ADGRL3: variants seen among roughly 807,000 people sequenced by gnomAD.
ADGRL3 encodes calcium-independent alpha-latrotoxin receptor 3.
In ADGRL3, 62 loss-of-function variants were observed where a neutral mutation model predicts 153.5. That is an observed-to-expected ratio of 0.40 (90% CI 0.33 to 0.50). The LOEUF is 0.50. Among genes scored for constraint, ADGRL3 ranks in the 20% least tolerant of loss-of-function variants. The pLI is 0.47. For missense variants in ADGRL3, 1,641 were observed against 1,859.4 expected (o/e 0.88, Z 2.16); for synonymous variants, 710 against 672.5 (o/e 1.06, Z -0.86).
chr4:61,985,652 G>A (rs1199311936), intron 19 of ADGRL3, among the ~76,000 whole-genome samples: 1 of 152,158 alleles, frequency 6.6e-6, no homozygotes, highest in African/African-American at 2.4e-5. Context: ...ACGACAAGAA[G>A]AGGACGCCAG....
At chr4:61,771,658 AG>A (rs2097088404) in intron 8 of ADGRL3, among the ~76,000 whole-genome samples, 1 of 152,172 alleles carries the variant, frequency 6.6e-6, no homozygotes, top group South Asian at 2.1e-4. Context: ...GGGCTTAAAC[AG>A]TCCTTCTGCC....
chr4:61,310,194 G>A lies in ADGRL3; in HGVS notation c.-239-72930G>A, dbSNP rs1282505714. On this transcript the variant is annotated intron_variant, in intron 1 of 26. Transcript: ENST00000683033. ...ATATGAAAGCTCTTATAAAAATAGG[G>A]ACTTTATTTCCCCTAGCTGAAACCC... Among the ~76,000 whole-genome samples the A allele has an allele frequency of 4.0e-5, 6 of 151,644 alleles. No homozygotes were observed. In the South Asian group the frequency reaches 6.3e-4, roughly 16 times the overall value.
At chr4:61,926,203 G>A (rs1409725344) in intron 13 of ADGRL3, among the ~76,000 whole-genome samples, 2 of 152,076 alleles carry the variant, frequency 1.3e-5, no homozygotes, top group Non-Finnish European at 2.9e-5. Context: ...AATTTTATGG[G>A]ACCAGCATGG....
At chr4:61,670,207 T>C (rs1243718798) in intron 5 of ADGRL3, among the ~76,000 whole-genome samples, 3 of 151,982 alleles carry the variant, frequency 2.0e-5, no homozygotes, top group Non-Finnish European at 4.4e-5. Context: ...GGCAGGAGAA[T>C]CTCTTGAATC....
intron 5 of ADGRL3, among the ~76,000 whole-genome samples, chr4:61,643,446 A>G (rs1414125305): frequency 6.6e-6 from 1 of 151,732 alleles, no homozygotes; most frequent in African/African-American, 2.4e-5. Flanking sequence ...AGCTCTTATT[A>G]TTTTGAAATA....
rs181535296 is a variant in ADGRL3 at position 61,521,432 on chromosome 4, T to G, written c.259+3914T>G. Among the ~76,000 whole-genome samples, 117 of 152,278 alleles carry G rather than the reference T, an allele frequency of 7.7e-4. 1 individual carries two copies. The highest frequency in any genetic ancestry group is 6.8e-3 in the Middle Eastern group (2 of 294). On this transcript the variant is annotated intron_variant, in intron 4 of 26. Coordinates refer to ENST00000683033, the MANE Select transcript of ADGRL3 (RefSeq NM_001387552.1). ...CAATGGTATAACACTATGAGGAGTT[T>G]GAAATTTTCCTGATGGTAGTGAGGG...
chr4:61,653,724 A>C (rs1189231014), intron 5 of ADGRL3, among the ~76,000 whole-genome samples: 1 of 152,066 alleles, frequency 6.6e-6, no homozygotes, highest in African/African-American at 2.4e-5. Flanking sequence ...TAACCAGCAA[A>C]CTTTTTTCCA....
intron 9 of ADGRL3, among the ~76,000 whole-genome samples, chr4:61,829,723 G>A (rs1418492753): frequency 6.6e-6 from 1 of 152,054 alleles, no homozygotes; most frequent in African/African-American, 2.4e-5. Context: ...TTCTCCATTG[G>A]ACAATATAAA....
intron 8 of ADGRL3, among the ~76,000 whole-genome samples, chr4:61,773,987 T>A (rs891866022): frequency 6.6e-6 from 1 of 152,184 alleles, no homozygotes; most frequent in Admixed American, 6.5e-5. Context: ...TCTGCAGTTT[T>A]GCTATCCGCA....
chr4:61,211,424 G>A (rs915502895), intron 1 of ADGRL3, among the ~76,000 whole-genome samples: 1 of 152,134 alleles, frequency 6.6e-6, no homozygotes, highest in South Asian at 2.1e-4. Context: ...GCTTCGTGGA[G>A]GCAGTAAGAA....
At chr4:61,286,312 T>A (rs533412065) in intron 1 of ADGRL3, among the ~76,000 whole-genome samples, 14 of 151,588 alleles carry the variant, frequency 9.2e-5, no homozygotes, top group Non-Finnish European at 1.3e-4. Context: ...TTTCTTTTTT[T>A]TTTTTTGAAA....
chr4:61,837,004 A>G (rs1021496717), intron 9 of ADGRL3, among the ~76,000 whole-genome samples: 2 of 152,148 alleles, frequency 1.3e-5, no homozygotes, highest in Admixed American at 6.5e-5. Context: ...GGTGTTTCAT[A>G]TAGGATATTT....
intron 4 of ADGRL3, among the ~76,000 whole-genome samples, chr4:61,532,424 A>C (rs1031251694): frequency 6.6e-6 from 1 of 152,022 alleles, no homozygotes; most frequent in Admixed American, 6.6e-5. Context: ...CCCACTGTAG[A>C]GCTCTTTTCA....
chr4:61,748,092 T>A (rs1431814820), intron 8 of ADGRL3, among the ~76,000 whole-genome samples: 2 of 151,288 alleles, frequency 1.3e-5, no homozygotes, highest in Non-Finnish European at 2.9e-5. Context: ...AAATCATGAG[T>A]GAACTCCCAT....
chr4:61,290,773 G>T (rs2094146565), intron 1 of ADGRL3, among the ~76,000 whole-genome samples: 1 of 151,874 alleles, frequency 6.6e-6, no homozygotes, highest in South Asian at 2.1e-4. Context: ...ATTAATTTTA[G>T]TCTTCATATG....
At position 61,626,713 on chromosome 4, in the gene ADGRL3, G is replaced by A. The variant is rs188228052; in HGVS notation, c.473+39273G>A. Among the ~76,000 whole-genome samples the A allele has an allele frequency of 1.5e-3, 226 of 152,182 alleles. 4 individuals are homozygous for A. The highest frequency in any genetic ancestry group is 0.014 in the Admixed American group (217 of 15,274). Reference sequence around the variant, plus strand: ...TTAAAGTGATATAGACGTAAGTTCAGTAACAGCTTTTATTTATCAGTGAAA... The same window carrying A: ...TTAAAGTGATATAGACGTAAGTTCAATAACAGCTTTTATTTATCAGTGAAA... On this transcript the variant is annotated intron_variant, in intron 5 of 26. Coordinates refer to ENST00000683033, the MANE Select transcript of ADGRL3 (RefSeq NM_001387552.1).
At chr4:61,621,747 T>C (rs1403552191) in intron 5 of ADGRL3, among the ~76,000 whole-genome samples, 4 of 152,194 alleles carry the variant, frequency 2.6e-5, no homozygotes, top group Admixed American at 2.0e-4. Flanking sequence ...CGCTAATTAA[T>C]TGAATAAAAC....
At chr4:61,889,657 A>G (rs1161883797) in intron 9 of ADGRL3, among the ~76,000 whole-genome samples, 1 of 152,214 alleles carries the variant, frequency 6.6e-6, no homozygotes, top group Non-Finnish European at 1.5e-5. Context: ...GTTTCATTCT[A>G]TTATCTTTAA....
chr4:61,966,367 A>G (rs749193315), intron 17 of ADGRL3, among the ~76,000 whole-genome samples: 1 of 152,156 alleles, frequency 6.6e-6, no homozygotes, highest in Non-Finnish European at 1.5e-5. Flanking sequence ...CTGTTCCTCT[A>G]TGATTCAAAA....
Sources: allele counts gnomAD v4.1 joint callset (sites outside exome capture counted in the v4.1 genomes callset), GRCh38; gene constraint gnomAD v4.1.1; transcripts MANE v1.5; gene names NCBI Gene and HGNC (gene_info 2026-07-23, HGNC 2026-07-21).